JAK1: variants seen among roughly 807,000 people sequenced by gnomAD.
The protein encoded by JAK1 is Janus kinase 1, also known as tyrosine-protein kinase JAK1.
Under a neutral mutation model 136.6 loss-of-function variants are expected in JAK1, and 16 were observed. The ratio of observed to expected loss-of-function variants is 0.12; its 90% CI spans 0.08 to 0.18. JAK1 has a LOEUF of 0.18. Among genes scored for constraint, JAK1 ranks in the 10% least tolerant of loss-of-function variants. JAK1 has a pLI of 1.00. For missense variants in JAK1, 859 were observed against 1,450.1 expected (o/e 0.59, Z 6.62); for synonymous variants, 492 against 519.5 (o/e 0.95, Z 0.72).
chr1:64,838,354 C>G, intron 21 of JAK1, 111 bp downstream of exon 21: 1 of 1,175,392 alleles, frequency 8.5e-7, no homozygotes, highest in Non-Finnish European at 1.2e-6. Flanking sequence ...CAGAGAAAAA[C>G]AAACAGTATA....
chr1:65,021,845 A>AAT (rs1244319897), intron 2 of JAK1, among the ~76,000 whole-genome samples: 1 of 152,180 alleles, frequency 6.6e-6, no homozygotes, highest in Non-Finnish European at 1.5e-5. Context: ...GAGAATTTGC[A>AAT]ATATTTGCCT....
upstream of JAK1, among the ~76,000 whole-genome samples, chr1:64,968,167 C>A (rs1478290168): frequency 2.0e-5 from 3 of 152,092 alleles, no homozygotes; most frequent in East Asian, 5.8e-4. Flanking sequence ...AGGAAGGCAG[C>A]AGTGAACCCA....
At chr1:64,996,208 A>T (rs1327651705) in intron 2 of JAK1, among the ~76,000 whole-genome samples, 1 of 152,166 alleles carries the variant, frequency 6.6e-6, no homozygotes, top group Non-Finnish European at 1.5e-5. Context: ...CTATCACATC[A>T]TCTTTTAAAT....
In JAK1 at chr1:64,984,890, C is replaced by T; in HGVS notation, c.-78+59590G>A. The stretch of plus-strand genomic sequence containing the variant: ...TCCAGGTGGAGCAGCCGGCCACTGC[C>T]ATCACAGCTGGGCCAGGGCCCTGGC... On this transcript the variant is annotated intron_variant, in intron 2 of 25. Coordinates refer to the JAK1 transcript ENST00000671954. The surrounding 1 kb of genome is among the most constrained non-coding windows in gnomAD (Gnocchi z 4.1). The T allele has an allele frequency of 8.4e-7, 1 of 1,191,140 alleles. No individual in the cohort carries two copies. Among genetic ancestry groups the T allele is most frequent in the Non-Finnish European group, 1.3e-6 (1 of 798,044 alleles). The allele number at this position is 1,191,140 out of a possible 1,614,324, so 73.8% of individuals were successfully genotyped here.
At chr1:64,989,373 T>A (rs1646633974) in intron 2 of JAK1, 1 of 145,056 alleles carries the variant, frequency 6.9e-6, no homozygotes, top group Non-Finnish European at 1.5e-5. Context: ...ATAAATAAAA[T>A]AAACTCAAAA....
intron 19 of JAK1, 45 bp downstream of exon 19, chr1:64,841,200 C>T (rs764247834): frequency 1.5e-5 from 21 of 1,361,722 alleles, no homozygotes; most frequent in Non-Finnish European, 2.2e-5. Flanking sequence ...CTGTGGATGG[C>T]GGAGGGCTCT....
At chr1:64,848,524 G>C (rs1655386083) in intron 12 of JAK1, among the ~76,000 whole-genome samples, 1 of 152,182 alleles carries the variant, frequency 6.6e-6, no homozygotes, top group Non-Finnish European at 1.5e-5. Context: ...ACATGTGAAA[G>C]GGAACAATAC....
chr1:64,992,916 A>AAG (rs1282583894), intron 2 of JAK1: 2 of 151,922 alleles, frequency 1.3e-5, no homozygotes, highest in Non-Finnish European at 2.9e-5. Context: ...AAAAAAAAAA[A>AAG]AGATTTAGTC....
intron 1 of JAK1, chr1:64,918,617 G>T: frequency 5.6e-6 from 1 of 177,730 alleles, no homozygotes; most frequent in South Asian, 1.2e-4. Context: ...GGGTTCCAAT[G>T]AGCAATACAA....
At chr1:65,004,660 A>T (rs1379735939) in intron 2 of JAK1, among the ~76,000 whole-genome samples, 1 of 152,254 alleles carries the variant, frequency 6.6e-6, no homozygotes, top group African/African-American at 2.4e-5. Context: ...AAAGGAATCA[A>T]GACTATAAGT....
chr1:65,042,265 C>T (rs569101216), intron 2 of JAK1, among the ~76,000 whole-genome samples: 154 of 152,060 alleles, frequency 1.0e-3, no homozygotes, highest in African/African-American at 3.4e-3. Flanking sequence ...AATATTATCC[C>T]GTTTATTATC....
rs189415520 is a variant in JAK1 at position 65,021,662 on chromosome 1, C to T, written c.-78+22818G>A. ...AAACATAGCTCTCCCTGTCTATCCCCGCTAGGTAGCAGCAATCTAATTACT... is the reference window on the plus strand; with the variant it reads ...AAACATAGCTCTCCCTGTCTATCCCTGCTAGGTAGCAGCAATCTAATTACT... On this transcript the variant is annotated intron_variant, in intron 2 of 25. Coordinates refer to the JAK1 transcript ENST00000671954. Among the ~76,000 whole-genome samples, 38 of 152,278 alleles carry T rather than the reference C, an allele frequency of 2.5e-4. No homozygotes were observed. In the East Asian group the frequency reaches 3.5e-3, roughly 14 times the overall value.
At chr1:64,964,644 C>T (rs765626596) in intron 1 of JAK1, among the ~76,000 whole-genome samples, 1 of 152,294 alleles carries the variant, frequency 6.6e-6, no homozygotes, top group Non-Finnish European at 1.5e-5. Flanking sequence ...GAGTATCACA[C>T]TGCAATCCTA....
chr1:64,908,838 G>A (rs1374580989), intron 1 of JAK1, among the ~76,000 whole-genome samples: 1 of 152,076 alleles, frequency 6.6e-6, no homozygotes, highest in East Asian at 1.9e-4. Context: ...ATAATTAGAG[G>A]CAGTCTTTCT....
chr1:64,846,113 TA>T (rs916029688), intron 14 of JAK1, among the ~76,000 whole-genome samples: 16 of 150,188 alleles, frequency 1.1e-4, no homozygotes, highest in East Asian at 1.9e-4. Context: ...CACTTGGGGT[TA>T]AAAAAAAAAT....
intron 1 of JAK1, among the ~76,000 whole-genome samples, chr1:65,048,094 T>C (rs1031688311): frequency 1.4e-4 from 21 of 152,166 alleles, no homozygotes; most frequent in African/African-American, 4.8e-4. Context: ...GATCCTGATG[T>C]TGTTTGCAGG....
At chr1:64,902,583 AGTGTGT>A (rs1297802875) in intron 1 of JAK1, among the ~76,000 whole-genome samples, 3 of 73,758 alleles carry the variant, frequency 4.1e-5, no homozygotes, top group African/African-American at 1.9e-4. Flanking sequence ...AGAGAGAGAG[AGTGTGT>A]GTGTGTGTGT....
At chr1:64,880,191 G>GC (rs1297453860) in intron 3 of JAK1, among the ~76,000 whole-genome samples, 1 of 152,154 alleles carries the variant, frequency 6.6e-6, no homozygotes, top group African/African-American at 2.4e-5. Flanking sequence ...AGATACCTTG[G>GC]CAGCTATCTA....
intron 1 of JAK1, among the ~76,000 whole-genome samples, chr1:64,952,456 C>T (rs1159184877): frequency 6.6e-6 from 1 of 152,192 alleles, no homozygotes; most frequent in Admixed American, 6.5e-5. Flanking sequence ...TTGCTTGAGA[C>T]TGTATAGCTT....
Sources: allele counts gnomAD v4.1 joint callset (sites outside exome capture counted in the v4.1 genomes callset), GRCh38; gene constraint gnomAD v4.1.1; non-coding constraint Gnocchi (gnomAD v3.1); transcripts MANE v1.5; gene names NCBI Gene and HGNC (gene_info 2026-07-23, HGNC 2026-07-21).